The following MMS22L variants were observed in gnomAD, a reference collection of about 807,000 sequenced individuals.
The protein encoded by MMS22L is protein MMS22-like.
Under a neutral mutation model 159.1 loss-of-function variants are expected in MMS22L, and 74 were observed. That is an observed-to-expected ratio of 0.47 (90% CI 0.39 to 0.56). The LOEUF is 0.56. MMS22L is among the 20% of genes least tolerant of loss of function. The pLI, the probability that MMS22L is intolerant of heterozygous loss-of-function variation, is 0.00. For synonymous variants in MMS22L, 517 were observed against 506.9 expected, an observed-to-expected ratio of 1.02 and a Z score of -0.27; for missense variants, 1,351 against 1,422.1, an observed-to-expected ratio of 0.95 and a Z score of 0.80.
At chr6:97,214,677 T>C (rs1447935884) in intron 14 of MMS22L, among the ~76,000 whole-genome samples, 1 of 83,606 alleles carries the variant, frequency 1.2e-5, no homozygotes, top group Non-Finnish European at 2.9e-5. Context: ...GATTTTACTA[T>C]TTTTTTTGTT....
chr6:97,170,698 TA>T (rs35796945), intron 19 of MMS22L, among the ~76,000 whole-genome samples: 67,401 of 151,958 alleles, frequency 0.44, 15,132 homozygotes, highest in South Asian at 0.53. Flanking sequence ...AGTTAGAAAG[TA>T]ATTTTGTTCA....
chr6:97,261,104 T>C (rs1332253711), intron 9 of MMS22L: 1 of 152,236 alleles, frequency 6.6e-6, no homozygotes, highest in African/African-American at 2.4e-5. Flanking sequence ...CTGGCAATGA[T>C]TTTAAAGCAG....
chr6:97,184,996 C>T (rs904178118), intron 15 of MMS22L, among the ~76,000 whole-genome samples: 5 of 152,136 alleles, frequency 3.3e-5, no homozygotes, highest in African/African-American at 1.2e-4. Context: ...TTGCTGCTTC[C>T]CTATAGTTTC....
At chr6:97,172,512 A>G (rs1175702424) in intron 19 of MMS22L, among the ~76,000 whole-genome samples, 1 of 152,200 alleles carries the variant, frequency 6.6e-6, no homozygotes, top group African/African-American at 2.4e-5. Flanking sequence ...TGAAAAAAAG[A>G]TATGTTAATC....
chr6:97,268,832 C>T (rs1815423180), intron 7 of MMS22L, among the ~76,000 whole-genome samples: 1 of 151,702 alleles, frequency 6.6e-6, no homozygotes, highest in Non-Finnish European at 1.5e-5. Flanking sequence ...TACTGGTGTA[C>T]ATCTTCATAT....
chr6:97,193,279 G>C (rs555891012), intron 14 of MMS22L, among the ~76,000 whole-genome samples: 1 of 152,172 alleles, frequency 6.6e-6, no homozygotes, highest in East Asian at 1.9e-4. Flanking sequence ...AACAAATCAG[G>C]AATCCAGTGA....
intron 11 of MMS22L, among the ~76,000 whole-genome samples, chr6:97,240,026 A>G (rs917755400): frequency 6.6e-6 from 1 of 152,212 alleles, no homozygotes; most frequent in Non-Finnish European, 1.5e-5. Flanking sequence ...GGACTCTTTC[A>G]CCACTGTCAC....
At chr6:97,222,364 C>G (rs974279893) in intron 14 of MMS22L, among the ~76,000 whole-genome samples, 2 of 151,918 alleles carry the variant, frequency 1.3e-5, no homozygotes, top group South Asian at 4.2e-4. Flanking sequence ...GGGAAAATAA[C>G]CTTAATCTTT....
chr6:97,236,907 C>T (rs1056229000), intron 11 of MMS22L, among the ~76,000 whole-genome samples: 52 of 150,720 alleles, frequency 3.5e-4, no homozygotes, highest in African/African-American at 1.2e-3. Flanking sequence ...GCCGAAATAG[C>T]GCTACTGCAC....
chr6:97,173,273 G>A (rs1311897033), intron 18 of MMS22L, 51 bp from the exon 19 acceptor site: 1 of 1,541,088 alleles, frequency 6.5e-7, no homozygotes, highest in Admixed American at 1.9e-5. Flanking sequence ...ATACCATAAA[G>A]ATTTGGAACA....
chr6:97,164,301 A>ATAT (rs1343947770), intron 21 of MMS22L, among the ~76,000 whole-genome samples: 1 of 151,504 alleles, frequency 6.6e-6, no homozygotes, highest in African/African-American at 2.4e-5. Flanking sequence ...GAGGTAACAG[A>ATAT]TATTATTGGG....
intron 11 of MMS22L, among the ~76,000 whole-genome samples, chr6:97,236,488 T>A (rs1435826742): frequency 1.3e-5 from 2 of 152,160 alleles, no homozygotes; most frequent in African/African-American, 4.8e-5. Flanking sequence ...CTCACAATAT[T>A]CAGTTGTGGG....
intron 14 of MMS22L, among the ~76,000 whole-genome samples, chr6:97,201,446 A>G (rs1459626250): frequency 1.3e-5 from 2 of 152,162 alleles, no homozygotes; most frequent in African/African-American, 4.8e-5. Context: ...CTGGATCACT[A>G]AACTTGTATC....
chr6:97,272,678 T>A (rs1481751503), intron 6 of MMS22L, 26 bp downstream of exon 6: 8 of 1,580,368 alleles, frequency 5.1e-6, no homozygotes, highest in East Asian at 2.2e-5. Context: ...GCTGATAATT[T>A]AAAAATCAAA....
intron 14 of MMS22L, among the ~76,000 whole-genome samples, chr6:97,200,877 A>G (rs1278353809): frequency 9.2e-5 from 14 of 152,162 alleles, no homozygotes; most frequent in Non-Finnish European, 1.5e-5. Context: ...TTCAAATAAG[A>G]CAAAGTTTCA....
intron 4 of MMS22L, among the ~76,000 whole-genome samples, chr6:97,275,410 C>T (rs968425371): frequency 2.0e-5 from 3 of 151,886 alleles, no homozygotes; most frequent in African/African-American, 7.3e-5. Context: ...GCCTGTAATC[C>T]CAGCTACTCG....
At chr6:97,189,103 TAAG>T (rs915103500) in intron 14 of MMS22L, among the ~76,000 whole-genome samples, 1 of 151,772 alleles carries the variant, frequency 6.6e-6, no homozygotes, top group South Asian at 2.1e-4. Flanking sequence ...GGAAAGACTA[TAAG>T]AAGAGATGCT....
intron 2 of MMS22L, among the ~76,000 whole-genome samples, chr6:97,282,004 G>A (rs1253269950): frequency 6.6e-6 from 1 of 152,150 alleles, no homozygotes; most frequent in African/African-American, 2.4e-5. Context: ...CTCTTTAGAA[G>A]GAAATACTAC....
At chr6:97,215,676 A>G (rs1374297349) in intron 14 of MMS22L, among the ~76,000 whole-genome samples, 1 of 152,162 alleles carries the variant, frequency 6.6e-6, no homozygotes, top group Non-Finnish European at 1.5e-5. Context: ...TCAAGCAGTA[A>G]AACTGTGACA....
Sources: gnomAD v4.1 joint callset for allele counts (sites outside exome capture counted in the v4.1 genomes callset) on GRCh38, gnomAD v4.1.1 for gene constraint, MANE v1.5 for transcripts, NCBI Gene and HGNC (gene_info 2026-07-23, HGNC 2026-07-21) for gene names.